The following CSMD1 variants were observed in gnomAD, a reference collection of about 807,000 sequenced individuals.
CSMD1 encodes CUB and sushi domain-containing protein 1.
CSMD1 carries 213 observed loss-of-function variants against 417.5 expected under a neutral mutation model. The observed-to-expected ratio is 0.51, with a 90% confidence interval of 0.46 to 0.57. The LOEUF is 0.57. CSMD1 is among the 20% of genes least tolerant of loss of function. The pLI is 0.00. For synonymous variants in CSMD1, 2,862 were observed against 1,736.8 expected (o/e 1.65, Z -16.11); for missense variants, 6,923 against 4,529.7 (o/e 1.53, Z -15.17).
intron 3 of CSMD1, among the ~76,000 whole-genome samples, chr8:4,148,726 C>T (rs1407805480): frequency 1.3e-5 from 2 of 152,082 alleles, no homozygotes; most frequent in African/African-American, 4.8e-5. Context: ...CCACTCTCAT[C>T]ACCTCCTTGC....
chr8:4,515,421 A>G (rs1004376038), intron 2 of CSMD1, among the ~76,000 whole-genome samples: 6 of 152,172 alleles, frequency 3.9e-5, no homozygotes, highest in Admixed American at 3.9e-4. Flanking sequence ...TGTCTGCTTG[A>G]CAAAGTCAGG....
At chr8:3,065,556 G>C (rs1812886305) in intron 49 of CSMD1, among the ~76,000 whole-genome samples, 1 of 151,898 alleles carries the variant, frequency 6.6e-6, no homozygotes, top group East Asian at 1.9e-4. Flanking sequence ...ATATAGAAAG[G>C]AAAATGATAG....
intron 1 of CSMD1, among the ~76,000 whole-genome samples, chr8:4,876,260 C>T (rs1803036898): frequency 6.6e-6 from 1 of 152,020 alleles, no homozygotes; most frequent in Admixed American, 6.5e-5. Context: ...ATATTACCCT[C>T]CATGACAATT....
In CSMD1 at chr8:3,298,605, C is replaced by T. The variant is rs902048703; in HGVS notation, c.3950+9090G>A. On this transcript the variant is annotated intron_variant, in intron 25 of 69. Coordinates refer to ENST00000635120, the MANE Select transcript of CSMD1 (RefSeq NM_033225.6). ...AGTAGCTGGGATTATAGGCGTGTGCCAACACAACTTGCTTATTTTTTAATT... is the reference window on the plus strand; with the variant it reads ...AGTAGCTGGGATTATAGGCGTGTGCTAACACAACTTGCTTATTTTTTAATT... Among the ~76,000 whole-genome samples, 5 of 152,276 alleles carry T rather than the reference C, an allele frequency of 3.3e-5. No homozygotes were observed. In the East Asian group the frequency reaches 7.7e-4, roughly 24 times the overall value.
chr8:4,515,077 T>C (rs1212420319), intron 2 of CSMD1, among the ~76,000 whole-genome samples: 1 of 152,230 alleles, frequency 6.6e-6, no homozygotes. Flanking sequence ...AATGATACTT[T>C]ATAATCCATT....
intron 3 of CSMD1, among the ~76,000 whole-genome samples, chr8:4,342,490 A>G (rs910885026): frequency 3.9e-5 from 6 of 152,190 alleles, no homozygotes; most frequent in Middle Eastern, 3.4e-3. Flanking sequence ...ACAGGACTAA[A>G]TCAGCCAGGG....
intron 3 of CSMD1, among the ~76,000 whole-genome samples, chr8:4,300,999 T>C (rs748009309): frequency 5.3e-5 from 8 of 152,186 alleles, no homozygotes; most frequent in African/African-American, 1.2e-4. Context: ...AACATAAGTG[T>C]GCATGTGTCT....
At chr8:4,567,852 T>A (rs923666683) in intron 2 of CSMD1, among the ~76,000 whole-genome samples, 1 of 152,346 alleles carries the variant, frequency 6.6e-6, no homozygotes, top group East Asian at 1.9e-4. Context: ...ATTCAGACTC[T>A]ACATAAGCAT....
intron 2 of CSMD1, among the ~76,000 whole-genome samples, chr8:4,634,611 C>T (rs1364447929): frequency 1.3e-5 from 2 of 152,122 alleles, no homozygotes; most frequent in African/African-American, 4.8e-5. Flanking sequence ...CAAAAGAATC[C>T]GTCCTTTGAA....
chr8:4,539,810 G>A (rs76767477), intron 2 of CSMD1, among the ~76,000 whole-genome samples: 4 of 152,046 alleles, frequency 2.6e-5, no homozygotes, highest in African/African-American at 9.7e-5. Flanking sequence ...TTTCCATATG[G>A]GTTAAGCATT....
intron 2 of CSMD1, among the ~76,000 whole-genome samples, chr8:4,435,850 C>A (rs1455885651): frequency 6.6e-6 from 1 of 152,170 alleles, no homozygotes; most frequent in Non-Finnish European, 1.5e-5. Flanking sequence ...CAAAGCTCAC[C>A]TTCCAAGTAT....
At chr8:3,901,040 G>A (rs999623477) in intron 5 of CSMD1, among the ~76,000 whole-genome samples, 2 of 152,198 alleles carry the variant, frequency 1.3e-5, no homozygotes, top group South Asian at 2.1e-4. Context: ...TTGGTAATAA[G>A]ATGGCTTTTA....
At position 4,935,818 on chromosome 8, in the gene CSMD1, C is replaced by T. The variant is rs143832727; in HGVS notation, c.85+58514G>A. 5.4e-3 allele frequency among the ~76,000 whole-genome samples: 828 copies of T among 152,306 alleles called. 8 individuals are homozygous for T. Among genetic ancestry groups the T allele is most frequent in the African/African-American group, 0.018 (767 of 41,574 alleles). On this transcript the variant is annotated intron_variant, in intron 1 of 69. Coordinates refer to ENST00000635120, the MANE Select transcript of CSMD1 (RefSeq NM_033225.6). ...ATAGGAATTGCAACTTGAGAGAGTG[C>T]TCGGCCTGCTGTTTACCAAAAGCAG... is the stretch of plus-strand genomic sequence containing the variant.
intron 1 of CSMD1, among the ~76,000 whole-genome samples, chr8:4,654,121 T>A (rs1257764148): frequency 6.6e-6 from 1 of 152,118 alleles, no homozygotes; most frequent in Admixed American, 6.5e-5. Flanking sequence ...GATGTTACAC[T>A]CCATGTATTT....
chr8:4,172,324 T>C (rs1161546236), intron 3 of CSMD1, among the ~76,000 whole-genome samples: 4 of 152,290 alleles, frequency 2.6e-5, no homozygotes, highest in Middle Eastern at 3.4e-3. Context: ...TACCGAGATA[T>C]GACTAGTGTC....
At chr8:3,929,531 G>C (rs1180689486) in intron 5 of CSMD1, among the ~76,000 whole-genome samples, 1 of 150,474 alleles carries the variant, frequency 6.6e-6, no homozygotes, top group Non-Finnish European at 1.5e-5. Flanking sequence ...ACGTCCATTG[G>C]CAGGAACTGG....
intron 1 of CSMD1, among the ~76,000 whole-genome samples, chr8:4,781,040 G>C (rs557120120): frequency 1.3e-5 from 2 of 152,126 alleles, no homozygotes; most frequent in African/African-American, 4.8e-5. Context: ...AGCTTTTCCT[G>C]CTTCTGAACC....
In CSMD1 at chr8:3,928,725, C is replaced by T. The variant is rs375174191; in HGVS notation, c.818+69178G>A. ...TGGATCTATGCTATTTCTTAATATA[C>T]GTGAATACTTTTGAACCCATTCTGA... On this transcript the variant is annotated intron_variant, in intron 5 of 69. Coordinates refer to ENST00000635120, the MANE Select transcript of CSMD1 (RefSeq NM_033225.6). Among the ~76,000 whole-genome samples, 7 of 150,056 alleles carry T rather than the reference C, an allele frequency of 4.7e-5. No homozygotes were observed. The East Asian group carries it at 9.8e-4, about 21-fold the overall frequency.
At chr8:4,052,922 G>C (rs1457246154) in intron 3 of CSMD1, among the ~76,000 whole-genome samples, 2 of 152,218 alleles carry the variant, frequency 1.3e-5, no homozygotes, top group Non-Finnish European at 2.9e-5. Flanking sequence ...ACTAGGCGCA[G>C]AGAGAAGTGG....
Sources: allele counts gnomAD v4.1 joint callset (sites outside exome capture counted in the v4.1 genomes callset), GRCh38; gene constraint gnomAD v4.1.1; transcripts MANE v1.5; gene names NCBI Gene and HGNC (gene_info 2026-07-23, HGNC 2026-07-21).